The following THSD4 variants were observed in gnomAD, a reference collection of about 807,000 sequenced individuals.
The protein encoded by THSD4 is thrombospondin type-1 domain-containing protein 4.
THSD4 carries 69 observed loss-of-function variants against 119.0 expected under a neutral mutation model. The ratio of observed to expected loss-of-function variants is 0.58; its 90% CI spans 0.48 to 0.71. The LOEUF is 0.71. Ranked by LOEUF, THSD4 falls within the 30% of genes least tolerant of loss-of-function variation. The probability of loss-of-function intolerance (pLI) is 0.00; values close to 1 mark genes in which losing one functional copy is unlikely to be tolerated. For synonymous variants in THSD4, 524 were observed against 540.4 expected (o/e 0.97, Z 0.42); for missense variants, 1,393 against 1,391.1 (o/e 1.00, Z -0.02).
chr15:71,366,493 T>C (rs1482041157), intron 6 of THSD4, among the ~76,000 whole-genome samples: 4 of 152,184 alleles, frequency 2.6e-5, no homozygotes, highest in African/African-American at 9.7e-5. Flanking sequence ...ATGGGCTCTT[T>C]TGAGAGTTCT....
chr15:71,770,673 T>C lies in THSD4; in HGVS notation c.2770-391T>C, dbSNP rs547929817. ...CCATCTCAAAAAAGAAAAAAATCTA[T>C]AGGATTCGCAAGATAAGTGGAAGTA... On this transcript the variant is annotated intron_variant, in intron 16 of 17. Coordinates refer to ENST00000261862, the MANE Select transcript of THSD4 (RefSeq NM_024817.3). 9.9e-5 allele frequency among the ~76,000 whole-genome samples: 15 copies of C among 152,144 alleles called. No individual in the cohort carries two copies. In the South Asian group the frequency reaches 3.1e-3, roughly 32 times the overall value.
intron 12 of THSD4, among the ~76,000 whole-genome samples, chr15:71,745,686 C>G (rs2053322794): frequency 6.6e-6 from 1 of 152,220 alleles, no homozygotes. Flanking sequence ...GAGTCTAGCT[C>G]TGTTGCCCAG....
chr15:71,391,696 G>T (rs2046381826), intron 6 of THSD4, among the ~76,000 whole-genome samples: 2 of 152,140 alleles, frequency 1.3e-5, no homozygotes, highest in African/African-American at 4.8e-5. Flanking sequence ...CTTGTTAGTG[G>T]GAACTTTCAC....
At chr15:71,154,456 C>T (rs1174301624) in intron 2 of THSD4, among the ~76,000 whole-genome samples, 2 of 152,186 alleles carry the variant, frequency 1.3e-5, no homozygotes, top group Non-Finnish European at 2.9e-5. Context: ...ACCTTACCAC[C>T]CGTGAAGGAC....
chr15:71,454,316 AT>A (rs1340000424), intron 7 of THSD4, among the ~76,000 whole-genome samples: 1 of 152,182 alleles, frequency 6.6e-6, no homozygotes, highest in Admixed American at 6.5e-5. Context: ...CTAGGAAAGA[AT>A]TTTTTTCTTT....
At chr15:71,425,506 A>G (rs575241680) in intron 7 of THSD4, among the ~76,000 whole-genome samples, 2 of 152,260 alleles carry the variant, frequency 1.3e-5, no homozygotes, top group Middle Eastern at 3.4e-3. Flanking sequence ...CACAGCGCCT[A>G]TGGAATAAAG....
chr15:71,506,172 T>C (rs2048183238), intron 7 of THSD4, among the ~76,000 whole-genome samples: 1 of 152,208 alleles, frequency 6.6e-6, no homozygotes, highest in Admixed American at 6.5e-5. Flanking sequence ...GCCATGTTGT[T>C]CCTTAACTCC....
chr15:71,136,036 C>A, intron 1 of THSD4, among the ~76,000 whole-genome samples: 1 of 120,010 alleles, frequency 8.3e-6, no homozygotes, highest in East Asian at 2.7e-4. Flanking sequence ...AGAAGCTTTC[C>A]TGTCCACTCA....
At chr15:71,357,473 T>A (rs1431166640) in intron 6 of THSD4, among the ~76,000 whole-genome samples, 1 of 152,182 alleles carries the variant, frequency 6.6e-6, no homozygotes, top group African/African-American at 2.4e-5. Context: ...GACTGGCTTC[T>A]CTAAGAGGGC....
intron 6 of THSD4, among the ~76,000 whole-genome samples, chr15:71,333,836 G>GA (rs1220984956): frequency 6.6e-6 from 1 of 152,172 alleles, no homozygotes; most frequent in Non-Finnish European, 1.5e-5. Flanking sequence ...GATGCTTATT[G>GA]AAAATATATG....
chr15:71,532,283 A>AGAGAGAGTGTGTGT (rs1379506089), intron 7 of THSD4, among the ~76,000 whole-genome samples: 38 of 101,644 alleles, frequency 3.7e-4, no homozygotes, highest in African/African-American at 6.5e-4. Flanking sequence ...AGAGAGAGAG[A>AGAGAGAGTGTGTGT]GTGTGTGTGT....
chr15:71,682,920 C>CT lies in THSD4; in HGVS notation c.1357+22205dup, dbSNP rs71154794. ...TCTTTCTTTCTTTCTTCTTCTTCTTCTTTTTTTTTTTTTTTTTTTGAGTCG... is the reference window on the plus strand; with the variant it reads ...TCTTTCTTTCTTTCTTCTTCTTCTTCTTTTTTTTTTTTTTTTTTTTGAGTCG... On this transcript the variant is annotated intron_variant, in intron 8 of 17. Coordinates refer to ENST00000261862, the MANE Select transcript of THSD4 (RefSeq NM_024817.3). 7.8e-4 allele frequency among the ~76,000 whole-genome samples: 42 copies of CT among 53,514 alleles called. 1 individual carries two copies. Among genetic ancestry groups the CT allele is most frequent in the African/African-American group, 2.1e-3 (34 of 16,158 alleles). 35.1% of individuals were successfully genotyped at this position (53,514 alleles called of 152,430 possible). A position where few individuals can be genotyped will look rare whatever the true frequency, so the allele number is the denominator to read the frequency against.
chr15:71,658,110 C>T (rs556757956), intron 7 of THSD4, among the ~76,000 whole-genome samples: 2 of 152,272 alleles, frequency 1.3e-5, no homozygotes, highest in South Asian at 2.1e-4. Flanking sequence ...GTAAGGCCCG[C>T]TCCACACTGC....
At chr15:71,746,214 ATAAAAC>A (rs2053333123) in intron 12 of THSD4, among the ~76,000 whole-genome samples, 1 of 152,172 alleles carries the variant, frequency 6.6e-6, no homozygotes, top group South Asian at 2.1e-4. Flanking sequence ...CTACAGTGTA[ATAAAAC>A]TAACCTTTGG....
chr15:71,742,499 A>T (rs1241818007), intron 11 of THSD4, among the ~76,000 whole-genome samples: 1 of 152,174 alleles, frequency 6.6e-6, no homozygotes, highest in Non-Finnish European at 1.5e-5. Flanking sequence ...ACCTGTGTAC[A>T]GTTCCCCCCT....
chr15:71,528,325 C>G (rs1421288846), intron 7 of THSD4, among the ~76,000 whole-genome samples: 1 of 152,118 alleles, frequency 6.6e-6, no homozygotes, highest in Non-Finnish European at 1.5e-5. Context: ...CCCTTAAGAA[C>G]ATCTGGAGCA....
chr15:71,740,261 C>G (rs1427185052), intron 11 of THSD4, among the ~76,000 whole-genome samples: 1 of 152,018 alleles, frequency 6.6e-6, no homozygotes, highest in Non-Finnish European at 1.5e-5. Flanking sequence ...TGCATTAAGG[C>G]CAAAACCATT....
At chr15:71,310,364 T>A (rs2045094988) in intron 6 of THSD4, among the ~76,000 whole-genome samples, 1 of 152,066 alleles carries the variant, frequency 6.6e-6, no homozygotes, top group Non-Finnish European at 1.5e-5. Context: ...AGAAATCAGC[T>A]CACAAAAGCC....
chr15:71,158,274 C>T (rs1260732133), intron 3 of THSD4, among the ~76,000 whole-genome samples: 1 of 151,686 alleles, frequency 6.6e-6, no homozygotes, highest in Non-Finnish European at 1.5e-5. Context: ...CTGCCTCAGC[C>T]TCCTGAGTAG....
Sources: gnomAD v4.1 joint callset for allele counts (sites outside exome capture counted in the v4.1 genomes callset) on GRCh38, gnomAD v4.1.1 for gene constraint, MANE v1.5 for transcripts, NCBI Gene and HGNC (gene_info 2026-07-23, HGNC 2026-07-21) for gene names.